Variants in C22orf39 observed in about 807,000 individuals in gnomAD.
C22orf39 encodes synaptic plasticity regulator PANTS.
A neutral mutation model predicts 18.3 loss-of-function variants in C22orf39; 20 were observed. That is an observed-to-expected ratio of 1.09 (90% CI 0.77 to 1.59). The LOEUF (loss-of-function observed/expected upper bound fraction) is 1.59. Ranked by LOEUF, C22orf39 falls within the 40% of genes most tolerant of loss-of-function variation. C22orf39 has a pLI of 0.00. For synonymous variants in C22orf39, 63 were observed against 59.6 expected, an observed-to-expected ratio of 1.06 and a Z score of -0.26; for missense variants, 195 against 156.1, an observed-to-expected ratio of 1.25 and a Z score of -1.33.
chr22:19,446,235 T>A (rs1366948408), intron 2 of C22orf39, among the ~76,000 whole-genome samples: 1 of 152,196 alleles, frequency 6.6e-6, no homozygotes, highest in Non-Finnish European at 1.5e-5. Flanking sequence ...CACACGCACA[T>A]ATATATACAT....
chr22:19,444,664 A>G (rs1386283787), intron 2 of C22orf39, among the ~76,000 whole-genome samples: 1 of 152,156 alleles, frequency 6.6e-6, no homozygotes, highest in African/African-American at 2.4e-5. Context: ...CTTCTCCTGG[A>G]CCTCAGGGCT....
Position 19,443,757 on chromosome 22 carries a change from A to ATG in C22orf39, c.*506_*507dup, listed in dbSNP as rs1212308741. ...CTACCTGCTCGGCACACCTGCCTGC[A>ATG]TGTGCAGTGGAACTGAGCGAGTGGA... On this transcript the variant is annotated 3_prime_UTR_variant, in exon 3 of 3. Coordinates refer to ENST00000399562, the MANE Select transcript of C22orf39 (RefSeq NM_173793.5). 1 of 984,954 alleles carries ATG rather than the reference A, an allele frequency of 1.0e-6. No homozygotes were observed. The highest frequency in any genetic ancestry group is 1.2e-6 in the Non-Finnish European group (1 of 829,940). The allele number at this position is 984,954 out of a possible 1,614,324, so 61.0% of individuals were successfully genotyped here.
chr22:19,445,958 G>A (rs1054221853), intron 2 of C22orf39, among the ~76,000 whole-genome samples: 3 of 151,926 alleles, frequency 2.0e-5, no homozygotes, highest in Non-Finnish European at 4.4e-5. Flanking sequence ...ACAGGCATGA[G>A]CCACCATGCC....
At position 19,441,421 on chromosome 22, in the gene C22orf39, T is replaced by C. The variant is rs1276419573; in HGVS notation, c.*2844A>G. ...ATATCACATACAGTACGGATACATA[T>C]TGTTTTGTATTTCAACAATAATATG... On this transcript the variant is annotated 3_prime_UTR_variant, in exon 3 of 3. Coordinates refer to ENST00000399562, the MANE Select transcript of C22orf39 (RefSeq NM_173793.5). The C allele has an allele frequency of 4.3e-6, 2 of 468,752 alleles. No individual in the cohort carries two copies. The highest frequency in any genetic ancestry group is 3.6e-5 in the East Asian group (1 of 27,706). 29.0% of individuals were successfully genotyped at this position (468,752 alleles called of 1,614,324 possible).
chr22:19,444,343 C>T lies in C22orf39; in HGVS notation c.240G>A (p.Lys80=), dbSNP rs375609529. 14 of 1,600,128 alleles carry T rather than the reference C, an allele frequency of 8.7e-6. No individual in the cohort carries two copies. Among genetic ancestry groups the T allele is most frequent in the African/African-American group, 4.1e-5 (3 of 74,012 alleles). ...SERARVRAAR[K]HILVWAPRQS... ...GCCTCGGGGCCCACACCAGGATGTG[C>T]TTCCGTGCAGCCCGGACTCGTGCCC... Residue 80 remains lysine (K), a synonymous_variant, in exon 3 of 3, where the codon AAG becomes AAA. Transcript: ENST00000399562.
At chr22:19,447,297 G>A (rs2089646732) in intron 2 of C22orf39, 81 bp downstream of exon 2, 7 of 1,331,704 alleles carry the variant, frequency 5.3e-6, no homozygotes, top group Non-Finnish European at 6.8e-6. Context: ...GCTAGGTCGC[G>A]GGGCATGGGG....
chr22:19,446,973 G>A (rs1380284576), intron 2 of C22orf39, among the ~76,000 whole-genome samples: 1 of 152,094 alleles, frequency 6.6e-6, no homozygotes, highest in Admixed American at 6.5e-5. Context: ...CTGGTATACC[G>A]CTCTCCAACC....
chr22:19,445,039 T>C (rs916781351), intron 2 of C22orf39, among the ~76,000 whole-genome samples: 3 of 152,240 alleles, frequency 2.0e-5, no homozygotes, highest in Non-Finnish European at 4.4e-5. Flanking sequence ...TTTACACAGA[T>C]AACTTAATCT....
Position 19,441,302 on chromosome 22 carries a change from T to C in C22orf39, c.*2963A>G, listed in dbSNP as rs2089611246. 4.2e-6 allele frequency: 1 copy of C among 238,160 alleles called. No homozygotes were observed. Among genetic ancestry groups the C allele is most frequent in the Non-Finnish European group, 8.0e-6 (1 of 124,224 alleles). 14.8% of individuals were successfully genotyped at this position (238,160 alleles called of 1,614,324 possible). A position where few individuals can be genotyped will look rare whatever the true frequency, so the allele number is the denominator to read the frequency against. ...GTTACATAAATGGAATCCTGCTACA[T>C]GTATGTTTTCAAGATTGGCTGTTTT... On this transcript the variant is annotated 3_prime_UTR_variant, in exon 3 of 3. Coordinates refer to ENST00000399562, the MANE Select transcript of C22orf39 (RefSeq NM_173793.5).
intron 2 of C22orf39, among the ~76,000 whole-genome samples, 181 bp downstream of exon 2, chr22:19,447,197 C>T (rs2089645789): frequency 6.6e-6 from 1 of 152,210 alleles, no homozygotes; most frequent in African/African-American, 2.4e-5. Flanking sequence ...TTGTCTTTCA[C>T]GCCCTCTGAA....
Position 19,441,524 on chromosome 22 carries a change from TTTA to T in C22orf39, c.*2738_*2740del. 1 of 609,964 alleles carries T rather than the reference TTTA, an allele frequency of 1.6e-6. No homozygotes were observed. Among genetic ancestry groups the T allele is most frequent in the South Asian group, 1.9e-5 (1 of 51,428 alleles). 37.8% of individuals were successfully genotyped at this position (609,964 alleles called of 1,614,324 possible). A position where few individuals can be genotyped will look rare whatever the true frequency, so the allele number is the denominator to read the frequency against. ...TGGGGTTTTATCCAAAACATTTATT[TTTA>T]TTTTTAAAACATTTATTTAGAGATG... On this transcript the variant is annotated 3_prime_UTR_variant, in exon 3 of 3. Transcript: ENST00000399562.
At chr22:19,444,478 C>T (rs557611163) in intron 2 of C22orf39, 88 bp from the exon 3 acceptor site, 1 of 1,419,748 alleles carries the variant, frequency 7.0e-7, no homozygotes. Context: ...CTCTGAAACA[C>T]AGATGGACAG....
chr22:19,446,297 G>A (rs1040857175), intron 2 of C22orf39, among the ~76,000 whole-genome samples: 2 of 151,398 alleles, frequency 1.3e-5, no homozygotes, highest in African/African-American at 4.9e-5. Context: ...TACTTTTTTT[G>A]ACTTTCACAT....
At position 19,441,710 on chromosome 22, in the gene C22orf39, G is replaced by T. The variant is rs574080014; in HGVS notation, c.*2555C>A. The T allele has an allele frequency of 6.5e-7, 1 of 1,549,320 alleles. No homozygotes were observed. The highest frequency in any genetic ancestry group is 1.4e-5 in the African/African-American group (1 of 72,826). ...CACTTAGCACCTGTCCAAAAAGTTT[G>T]AAAGATATTGCTCTTATTACAGTAT... is the stretch of plus-strand genomic sequence containing the variant. On this transcript the variant is annotated 3_prime_UTR_variant, in exon 3 of 3. Transcript: ENST00000399562.
Position 19,443,646 on chromosome 22 carries a change from G to A in C22orf39, c.*619C>T, listed in dbSNP as rs764945758. 25 of 985,154 alleles carry A rather than the reference G, an allele frequency of 2.5e-5. No homozygotes were observed. Among genetic ancestry groups the A allele is most frequent in the Non-Finnish European group, 2.9e-5 (24 of 829,914 alleles). 61.0% of individuals were successfully genotyped at this position (985,154 alleles called of 1,614,324 possible). ...GCAAGGTTGTGTGTTCTGTAGCTGT[G>A]TGCATTTCTTAAAAACCAGAGTCTC... On this transcript the variant is annotated 3_prime_UTR_variant, in exon 3 of 3. Transcript: ENST00000399562.
rs2089617794 is a variant in C22orf39, at chr22:19,442,355, G to T, written c.*1910C>A. 6.6e-6 allele frequency: 1 copy of T among 152,408 alleles called. No homozygotes were observed. The highest frequency in any genetic ancestry group is 2.4e-5 in the African/African-American group (1 of 41,446). 9.4% of individuals were successfully genotyped at this position (152,408 alleles called of 1,614,324 possible). A position where few individuals can be genotyped will look rare whatever the true frequency, so the allele number is the denominator to read the frequency against. ...CATGATAGTCACACTACAGAGGCAG[G>T]ACTTAATGCTTCCTAACAGAGCATG... On this transcript the variant is annotated 3_prime_UTR_variant, in exon 3 of 3. Transcript: ENST00000399562.
Position 19,441,837 on chromosome 22 carries a change from G to T in C22orf39, c.*2428C>A. The T allele has an allele frequency of 8.8e-7, 1 of 1,136,442 alleles. No individual in the cohort carries two copies. Among genetic ancestry groups the T allele is most frequent in the South Asian group, 1.6e-5 (1 of 60,728 alleles). 70.4% of individuals were successfully genotyped at this position (1,136,442 alleles called of 1,614,324 possible). On this transcript the variant is annotated 3_prime_UTR_variant, in exon 3 of 3. Coordinates refer to ENST00000399562, the MANE Select transcript of C22orf39 (RefSeq NM_173793.5). Reference sequence around the variant, plus strand: ...AGACAGGATATTGCTCTGTCACCCAGGTTGAAGTGCAGTGGGGCACAATCA... The same window carrying T: ...AGACAGGATATTGCTCTGTCACCCATGTTGAAGTGCAGTGGGGCACAATCA...
In C22orf39 at chr22:19,447,673, C is replaced by T. The variant is rs2146279343; in HGVS notation, c.16G>A (p.Gly6Ser). The change falls in exon 1 of 3, where the codon GGC (glycine) becomes AGC (serine). Residue 6 changes from glycine (G) to serine (S), a missense_variant. By Grantham distance (56) the Gly-to-Ser change is moderately conservative. Coordinates refer to ENST00000399562, the MANE Select transcript of C22orf39 (RefSeq NM_173793.5). ...CGACCCAGCACACTCACCTGCCAGCCGCTGCCGTCCGCCATGTCTGGGCGA... is the reference window on the plus strand; with the variant it reads ...CGACCCAGCACACTCACCTGCCAGCTGCTGCCGTCCGCCATGTCTGGGCGA... MADGS[G>S]WQPPRPCEAY... The T allele has an allele frequency of 1.9e-6, 3 of 1,610,980 alleles. No homozygotes were observed. The highest frequency in any genetic ancestry group is 2.5e-6 in the Non-Finnish European group (3 of 1,178,952).
chr22:19,441,606 G>A lies in C22orf39; in HGVS notation c.*2659C>T. 1 of 983,244 alleles carries A rather than the reference G, an allele frequency of 1.0e-6. No individual in the cohort carries two copies. The highest frequency in any genetic ancestry group is 1.4e-5 in the South Asian group (1 of 72,596). 60.9% of individuals were successfully genotyped at this position (983,244 alleles called of 1,614,324 possible). A position where few individuals can be genotyped will look rare whatever the true frequency, so the allele number is the denominator to read the frequency against. On this transcript the variant is annotated 3_prime_UTR_variant, in exon 3 of 3. Transcript: ENST00000399562. ...TGCAGTGGCACGATCATAGCTGACTGCAACCTCAAACTCCTATCCTCAAGT... is the reference window on the plus strand; with the variant it reads ...TGCAGTGGCACGATCATAGCTGACTACAACCTCAAACTCCTATCCTCAAGT...
Sources: allele counts gnomAD v4.1 joint callset (sites outside exome capture counted in the v4.1 genomes callset), GRCh38; gene constraint gnomAD v4.1.1; transcripts MANE v1.5; gene names NCBI Gene and HGNC (gene_info 2026-07-23, HGNC 2026-07-21).